The following MYLIP variants were observed in gnomAD, a reference collection of about 807,000 sequenced individuals.
MYLIP encodes myosin regulatory light chain interacting protein.
Under a neutral mutation model 45.8 loss-of-function variants are expected in MYLIP, and 26 were observed. The ratio of observed to expected loss-of-function variants is 0.57; its 90% CI spans 0.42 to 0.79. The LOEUF (loss-of-function observed/expected upper bound fraction) is 0.79, where lower values mean the gene tolerates loss of function less well. Among genes scored for constraint, MYLIP ranks in the 30% least tolerant of loss-of-function variants. The probability of loss-of-function intolerance (pLI) is 0.00; values close to 1 mark genes in which losing one functional copy is unlikely to be tolerated. For synonymous variants in MYLIP, 213 were observed against 218.1 expected (o/e 0.98, Z 0.21); for missense variants, 494 against 555.6 (o/e 0.89, Z 1.11).
the MYLIP span, among the ~76,000 whole-genome samples, chr6:16,155,765 C>T: frequency 1.3e-5 from 2 of 152,180 alleles, no homozygotes; most frequent in Non-Finnish European, 2.9e-5. Flanking sequence ...TTTGTGTGGG[C>T]CCCGTGGCAG....
chr6:16,155,256 C>T, the MYLIP span, among the ~76,000 whole-genome samples: 10 of 152,162 alleles, frequency 6.6e-5, 1 homozygote, highest in Admixed American at 6.5e-4. Flanking sequence ...CCAGAGCCAA[C>T]TCCACAAAGC....
chr6:16,132,092 T>C (rs1228582741), intron 2 of MYLIP, among the ~76,000 whole-genome samples: 3 of 152,202 alleles, frequency 2.0e-5, no homozygotes, highest in African/African-American at 7.2e-5. Context: ...CATTGTGTAG[T>C]CCTATTATGA....
Position 16,143,744 on chromosome 6 carries a change from T to C in MYLIP, c.708T>C (p.Asn236=), listed in dbSNP as rs751165545. The change falls in exon 5 of 7, where the codon AAT becomes AAC. Residue 236 remains asparagine (N), a synonymous_variant. Coordinates refer to ENST00000356840, the MANE Select transcript of MYLIP (RefSeq NM_013262.4). ...VVQMATQSGK[N]VYLTVTKESG... is the part of the protein sequence containing the mutation. The stretch of plus-strand genomic sequence containing the variant: ...AGATGGCCACCCAGTCAGGAAAGAA[T>C]GTATATTTGACGGTCACCAAGGAAT... 9 of 1,613,972 alleles carry C rather than the reference T, an allele frequency of 5.6e-6. No homozygotes were observed. Among genetic ancestry groups the C allele is most frequent in the Admixed American group, 5.0e-5 (3 of 59,990 alleles).
intron 2 of MYLIP, among the ~76,000 whole-genome samples, chr6:16,134,640 C>T (rs1759515778): frequency 6.6e-6 from 1 of 152,196 alleles, no homozygotes; most frequent in South Asian, 2.1e-4. Context: ...CTAAGTATTT[C>T]CCTGTCTTCC....
At chr6:16,163,765 T>A in the MYLIP span, 1 of 152,250 alleles carries the variant, frequency 6.6e-6, no homozygotes, top group Non-Finnish European at 1.5e-5. Context: ...ACATTGTCCA[T>A]TGAAAGTTAT....
intron 3 of MYLIP, 33 bp downstream of exon 3, chr6:16,141,843 T>C: frequency 1.3e-6 from 2 of 1,557,312 alleles, no homozygotes; most frequent in South Asian, 2.4e-5. Flanking sequence ...TGTTTACAAC[T>C]AGAATAGGCT....
At chr6:16,159,188 T>C in the MYLIP span, among the ~76,000 whole-genome samples, 3 of 152,228 alleles carry the variant, frequency 2.0e-5, no homozygotes, top group Non-Finnish European at 4.4e-5. Flanking sequence ...AGGATCTAGA[T>C]ATTGACTATT....
chr6:16,151,547 C>A (rs1265717038), downstream of MYLIP, among the ~76,000 whole-genome samples: 2 of 152,204 alleles, frequency 1.3e-5, no homozygotes, highest in Non-Finnish European at 2.9e-5. Context: ...TAAGCACCAT[C>A]TGAATTTCAG....
At chr6:16,162,700 C>T in the MYLIP span, among the ~76,000 whole-genome samples, 1 of 146,342 alleles carries the variant, frequency 6.8e-6, no homozygotes, top group Non-Finnish European at 1.5e-5. Flanking sequence ...CCTATAATCC[C>T]GGCACTTTGG....
chr6:16,159,664 C>A, the MYLIP span, among the ~76,000 whole-genome samples: 2 of 152,280 alleles, frequency 1.3e-5, no homozygotes, highest in South Asian at 2.1e-4. Context: ...ATCCTGAATC[C>A]AGCCAGTCCT....
chr6:16,153,535 G>A, the MYLIP span, among the ~76,000 whole-genome samples: 88 of 152,312 alleles, frequency 5.8e-4, no homozygotes, highest in African/African-American at 2.0e-3. Context: ...TCATAGCCTT[G>A]TAGTAGTTTC....
downstream of MYLIP, among the ~76,000 whole-genome samples, chr6:16,149,052 T>A (rs1409677355): frequency 6.6e-6 from 1 of 152,228 alleles, no homozygotes; most frequent in African/African-American, 2.4e-5. Flanking sequence ...TACTAAGTTA[T>A]TGAGCCCTGG....
downstream of MYLIP, among the ~76,000 whole-genome samples, chr6:16,148,730 G>A (rs1479044607): frequency 2.0e-5 from 3 of 152,218 alleles, no homozygotes; most frequent in African/African-American, 7.2e-5. Flanking sequence ...GGTCATAGCA[G>A]TAAGGGCCTC....
chr6:16,144,708 A>C lies in MYLIP; in HGVS notation c.828-189A>C, dbSNP rs192551516. Among the ~76,000 whole-genome samples the C allele has an allele frequency of 6.0e-4, 91 of 152,288 alleles. 1 individual carries two copies. The East Asian group carries it at 0.015, about 25-fold the overall frequency. On this transcript the variant is annotated intron_variant, in intron 5 of 6. Transcript: ENST00000356840. ...GCTTTACGGAAGCCATAATGTCAGGAGATGTTAGAGAAACAGAGGTGTAAT... is the reference window on the plus strand; with the variant it reads ...GCTTTACGGAAGCCATAATGTCAGGCGATGTTAGAGAAACAGAGGTGTAAT...
At chr6:16,149,785 T>G (rs1324659606), downstream of MYLIP, among the ~76,000 whole-genome samples, 1 of 152,076 alleles carries the variant, frequency 6.6e-6, no homozygotes, top group Non-Finnish European at 1.5e-5. Flanking sequence ...TGAGACAGAG[T>G]CAAAATACTT....
chr6:16,133,081 C>T (rs1053743553), intron 2 of MYLIP, among the ~76,000 whole-genome samples: 1 of 152,076 alleles, frequency 6.6e-6, no homozygotes, highest in Non-Finnish European at 1.5e-5. Context: ...TAGGGAGGCC[C>T]TTGTGAGAAT....
At chr6:16,150,968 A>C (rs1187438104), downstream of MYLIP, among the ~76,000 whole-genome samples, 1 of 152,156 alleles carries the variant, frequency 6.6e-6, no homozygotes, top group Admixed American at 6.5e-5. Flanking sequence ...ACAGGAGAGC[A>C]CGCATGGGTA....
At position 16,146,838 on chromosome 6, in the gene MYLIP, T is replaced by C; in HGVS notation, c.*87T>C. On this transcript the variant is annotated 3_prime_UTR_variant, in exon 7 of 7. Coordinates refer to ENST00000356840, the MANE Select transcript of MYLIP (RefSeq NM_013262.4). The stretch of plus-strand genomic sequence containing the variant: ...AATGATAGATTGTGGAGAAAGTAAT[T>C]ATTCCAACACCCATCTGCCATGCGA... 8.4e-7 allele frequency: 1 copy of C among 1,190,318 alleles called. No individual in the cohort carries two copies. The highest frequency in any genetic ancestry group is 1.4e-5 in the South Asian group (1 of 71,010). The allele number at this position is 1,190,318 out of a possible 1,614,324, so 73.7% of individuals were successfully genotyped here. A position where few individuals can be genotyped will look rare whatever the true frequency, so the allele number is the denominator to read the frequency against.
Position 16,146,695 on chromosome 6 carries a change from G to A in MYLIP, c.1282G>A (p.Val428Ile). 6.2e-7 allele frequency: 1 copy of A among 1,612,004 alleles called. No individual in the cohort carries two copies. The highest frequency in any genetic ancestry group is 1.1e-5 in the South Asian group (1 of 90,448). Reference protein sequence around the residue: ...CPVCRSRVEHVQHVYLPTHTS... With the variant: ...CPVCRSRVEHIQHVYLPTHTS... Reference sequence around the variant, plus strand: ...CGTCTGCAGGTCGCGTGTGGAGCATGTCCAGCACGTCTATCTGCCAACGCA... The same window carrying A: ...CGTCTGCAGGTCGCGTGTGGAGCATATCCAGCACGTCTATCTGCCAACGCA... The change falls in exon 7 of 7, where the codon GTC (valine) becomes ATC (isoleucine). Residue 428 changes from valine (V) to isoleucine (I), a missense_variant. Physicochemically the swap from Val to Ile is conservative, Grantham distance 29. Coordinates refer to ENST00000356840, the MANE Select transcript of MYLIP (RefSeq NM_013262.4).
Sources: allele counts gnomAD v4.1 joint callset (sites outside exome capture counted in the v4.1 genomes callset), GRCh38; gene constraint gnomAD v4.1.1; transcripts MANE v1.5; gene names NCBI Gene and HGNC (gene_info 2026-07-23, HGNC 2026-07-21).